KCNB2: variants seen among roughly 807,000 people sequenced by gnomAD.
The protein encoded by KCNB2 is delayed rectifier potassium channel protein.
A neutral mutation model predicts 61.5 loss-of-function variants in KCNB2; 15 were observed. The observed-to-expected ratio is 0.24, with a 90% CI of 0.16 to 0.38. KCNB2 has a LOEUF of 0.38. Among genes scored for constraint, KCNB2 ranks in the 10% least tolerant of loss-of-function variants. The pLI is 1.00. For synonymous variants in KCNB2, 457 were observed against 446.0 expected, an observed-to-expected ratio of 1.02 and a Z score of -0.31; for missense variants, 828 against 1,125.2, an observed-to-expected ratio of 0.74 and a Z score of 3.78.
At chr8:72,609,784 C>CATT (rs1585782573) in intron 2 of KCNB2, among the ~76,000 whole-genome samples, 1 of 152,058 alleles carries the variant, frequency 6.6e-6, no homozygotes, top group East Asian at 1.9e-4. Flanking sequence ...TTTATGTGTG[C>CATT]ACTTATGTAA....
At chr8:72,920,007 G>A (rs1482024) in intron 2 of KCNB2, among the ~76,000 whole-genome samples, 73,351 of 151,728 alleles carry the variant, frequency 0.48, 18,772 homozygotes, top group Middle Eastern at 0.61. Context: ...TAGATGCCTC[G>A]TAGCCAGATG....
intron 1 of KCNB2, among the ~76,000 whole-genome samples, chr8:72,546,666 C>T (rs1806263521): frequency 6.6e-6 from 1 of 152,200 alleles, no homozygotes; most frequent in African/African-American, 2.4e-5. Context: ...GGGTCTCACT[C>T]TGTCACCCAG....
At chr8:72,674,805 C>T (rs1806624581) in intron 2 of KCNB2, among the ~76,000 whole-genome samples, 1 of 152,112 alleles carries the variant, frequency 6.6e-6, no homozygotes, top group South Asian at 2.1e-4. Flanking sequence ...AGCATAAAGC[C>T]TTCAAAGGAA....
chr8:72,835,760 T>C (rs979380255), intron 2 of KCNB2, among the ~76,000 whole-genome samples: 1 of 152,166 alleles, frequency 6.6e-6, no homozygotes, highest in Admixed American at 6.5e-5. Context: ...TCTACCTCTT[T>C]CCCTAACCAT....
At chr8:72,884,455 T>A (rs192111548) in intron 2 of KCNB2, among the ~76,000 whole-genome samples, 1 of 152,290 alleles carries the variant, frequency 6.6e-6, no homozygotes, top group African/African-American at 2.4e-5. Context: ...GTTTTGATTT[T>A]AATGGAGTCC....
chr8:72,639,828 A>G (rs13255146), intron 2 of KCNB2, among the ~76,000 whole-genome samples: 46 of 152,190 alleles, frequency 3.0e-4, no homozygotes, highest in African/African-American at 1.0e-3. Context: ...TCTAATGGAT[A>G]GCCAGGGTTG....
intron 2 of KCNB2, among the ~76,000 whole-genome samples, chr8:72,691,119 A>C (rs1806933625): frequency 6.6e-6 from 1 of 152,168 alleles, no homozygotes; most frequent in Non-Finnish European, 1.5e-5. Context: ...TTAAGTGTTT[A>C]TATAACTTGA....
chr8:72,734,377 A>G (rs1475825306), intron 2 of KCNB2, among the ~76,000 whole-genome samples: 2 of 152,210 alleles, frequency 1.3e-5, no homozygotes, highest in Non-Finnish European at 2.9e-5. Context: ...AGACTGGTTC[A>G]CTTAGAATCC....
At chr8:72,643,119 G>A (rs1806080953) in intron 2 of KCNB2, among the ~76,000 whole-genome samples, 1 of 152,102 alleles carries the variant, frequency 6.6e-6, no homozygotes, top group Admixed American at 6.6e-5. Context: ...TTCCAGGTCT[G>A]CACAGTGGGT....
At chr8:72,552,362 G>A (rs1806358874) in intron 1 of KCNB2, among the ~76,000 whole-genome samples, 1 of 152,074 alleles carries the variant, frequency 6.6e-6, no homozygotes, top group Non-Finnish European at 1.5e-5. Context: ...GTTCTATATT[G>A]GTGCTCTCCA....
At chr8:72,548,631 G>C (rs1309459246) in intron 1 of KCNB2, among the ~76,000 whole-genome samples, 1 of 152,180 alleles carries the variant, frequency 6.6e-6, no homozygotes, top group African/African-American at 2.4e-5. Flanking sequence ...TAGATACCTA[G>C]AGGTGGTTTT....
chr8:72,852,535 G>A (rs773720395), intron 2 of KCNB2, among the ~76,000 whole-genome samples: 4 of 152,124 alleles, frequency 2.6e-5, no homozygotes, highest in Non-Finnish European at 5.9e-5. Flanking sequence ...TTTTATAGCA[G>A]AATATATTAT....
intron 2 of KCNB2, among the ~76,000 whole-genome samples, chr8:72,922,702 TTAAG>T (rs1806547210): frequency 6.6e-6 from 1 of 152,208 alleles, no homozygotes. Flanking sequence ...TCATTGTGGA[TTAAG>T]TGTCAACACA....
intron 2 of KCNB2, among the ~76,000 whole-genome samples, chr8:72,786,558 A>G (rs898702027): frequency 6.6e-6 from 1 of 152,262 alleles, no homozygotes; most frequent in Admixed American, 6.5e-5. Flanking sequence ...CTTCCTTTAC[A>G]ACTAGGTAAA....
intron 2 of KCNB2, among the ~76,000 whole-genome samples, chr8:72,899,236 TATACTTCA>T (rs1806043002): frequency 6.6e-6 from 1 of 152,092 alleles, no homozygotes; most frequent in Non-Finnish European, 1.5e-5. Flanking sequence ...ATCAAAGGAA[TATACTTCA>T]AAATAATAAG....
chr8:72,611,544 G>C (rs1805539473), intron 2 of KCNB2, among the ~76,000 whole-genome samples: 2 of 152,114 alleles, frequency 1.3e-5, no homozygotes, highest in Non-Finnish European at 2.9e-5. Context: ...TATTTTCTAT[G>C]ATGAGAAAGA....
In KCNB2 at chr8:72,938,179, A is replaced by G; in HGVS notation, c.*88A>G. On this transcript the variant is annotated 3_prime_UTR_variant, in exon 3 of 3. Transcript: ENST00000523207. ...GCGGTTAATAATGCCTGTGAACTAA[A>G]AAAATGGGAAGCCCTCCCCAAAAAA... 9.2e-7 allele frequency: 1 copy of G among 1,083,040 alleles called. No homozygotes were observed. Among genetic ancestry groups the G allele is most frequent in the Non-Finnish European group, 1.3e-6 (1 of 743,290 alleles). 67.1% of individuals were successfully genotyped at this position (1,083,040 alleles called of 1,614,324 possible). A position where few individuals can be genotyped will look rare whatever the true frequency, so the allele number is the denominator to read the frequency against.
chr8:72,665,338 G>A (rs983378989), intron 2 of KCNB2, among the ~76,000 whole-genome samples: 8 of 152,164 alleles, frequency 5.3e-5, no homozygotes, highest in East Asian at 1.9e-4. Context: ...AGCTGCAACC[G>A]CTGGGAGGGT....
intron 2 of KCNB2, among the ~76,000 whole-genome samples, chr8:72,917,728 A>G (rs913186582): frequency 1.3e-5 from 2 of 152,236 alleles, no homozygotes; most frequent in African/African-American, 4.8e-5. Flanking sequence ...ACAACTAGGT[A>G]TAATAGGTGA....
Sources: gnomAD v4.1 joint callset for allele counts (sites outside exome capture counted in the v4.1 genomes callset) on GRCh38, gnomAD v4.1.1 for gene constraint, MANE v1.5 for transcripts, NCBI Gene and HGNC (gene_info 2026-07-23, HGNC 2026-07-21) for gene names.